The following UNC13C variants were observed in gnomAD, a reference collection of about 807,000 sequenced individuals.
The protein encoded by UNC13C is protein unc-13 homolog C.
In UNC13C, 174 loss-of-function variants were observed where a neutral mutation model predicts 245.4. The ratio of observed to expected loss-of-function variants is 0.71; its 90% CI spans 0.63 to 0.80. The LOEUF (loss-of-function observed/expected upper bound fraction) is 0.80, where lower values mean the gene tolerates loss of function less well. Among genes scored for constraint, UNC13C ranks in the 30% least tolerant of loss-of-function variants. The pLI, the probability that UNC13C is intolerant of heterozygous loss-of-function variation, is 0.00. For synonymous variants in UNC13C, 992 were observed against 895.1 expected, an observed-to-expected ratio of 1.11 and a Z score of -1.93; for missense variants, 2,829 against 2,602.9, an observed-to-expected ratio of 1.09 and a Z score of -1.89.
At chr15:54,401,417 T>C (rs2040181126) in intron 18 of UNC13C, among the ~76,000 whole-genome samples, 1 of 152,120 alleles carries the variant, frequency 6.6e-6, no homozygotes, top group Non-Finnish European at 1.5e-5. Context: ...TACACACCCT[T>C]GTTGACGCAG....
At chr15:54,337,347 C>T (rs750630484) in intron 16 of UNC13C, among the ~76,000 whole-genome samples, 1 of 152,170 alleles carries the variant, frequency 6.6e-6, no homozygotes, top group Non-Finnish European at 1.5e-5. Flanking sequence ...CAGAACTTTT[C>T]CACAACTGTA....
intron 19 of UNC13C, among the ~76,000 whole-genome samples, chr15:54,444,726 G>A (rs888636790): frequency 6.6e-6 from 1 of 151,632 alleles, no homozygotes; most frequent in Non-Finnish European, 1.5e-5. Context: ...ATCCTTTTGT[G>A]CATTTTTATG....
chr15:53,850,730 A>C, the UNC13C span, among the ~76,000 whole-genome samples: 2 of 152,082 alleles, frequency 1.3e-5, no homozygotes, highest in African/African-American at 2.4e-5. Context: ...TTTCCATCAA[A>C]TTTGGATAAA....
At chr15:53,981,372 A>G (rs1418554437) in intron 1 of UNC13C, among the ~76,000 whole-genome samples, 1 of 152,164 alleles carries the variant, frequency 6.6e-6, no homozygotes, top group East Asian at 1.9e-4. Context: ...TTGCATCTAG[A>G]AATTTTAAGA....
chr15:54,426,582 A>G (rs1418329040), intron 19 of UNC13C, among the ~76,000 whole-genome samples: 1 of 151,672 alleles, frequency 6.6e-6, no homozygotes. Flanking sequence ...CATTAGAAGC[A>G]AGTCATTAGG....
rs1209299493 is a variant in UNC13C at position 54,250,225 on chromosome 15, A to G, written c.3229A>G (p.Lys1077Glu). 1.9e-6 allele frequency: 3 copies of G among 1,613,786 alleles called. No homozygotes were observed. The highest frequency in any genetic ancestry group is 2.5e-6 in the Non-Finnish European group (3 of 1,179,812). The part of the protein sequence containing the change: ...IRTSLNNEEL[K>E]MHVFKKTLQA... ...TTGGTAACTTCTCTCATGTTCACAGAAAATGCACGTCTTCAAGAAGACCTT... is the reference window on the plus strand; with the variant it reads ...TTGGTAACTTCTCTCATGTTCACAGGAAATGCACGTCTTCAAGAAGACCTT... The change falls in exon 8 of 33, where the codon AAA (lysine) becomes GAA (glutamate). Residue 1077 changes from lysine (K) to glutamate (E), a missense_variant and splice_region_variant. Coordinates refer to ENST00000260323, the MANE Select transcript of UNC13C (RefSeq NM_001080534.3).
intron 19 of UNC13C, among the ~76,000 whole-genome samples, chr15:54,453,590 T>A (rs993601474): frequency 3.9e-5 from 6 of 152,228 alleles, no homozygotes; most frequent in African/African-American, 1.2e-4. Flanking sequence ...GTATTTTGCC[T>A]TTTCCTCATT....
intron 7 of UNC13C, among the ~76,000 whole-genome samples, chr15:54,243,657 A>T (rs1057360561): frequency 3.3e-5 from 5 of 152,098 alleles, no homozygotes; most frequent in Admixed American, 3.3e-4. Context: ...TGACTTTTTG[A>T]TAATCACCAT....
chr15:54,438,741 A>C (rs1032437205), intron 19 of UNC13C, among the ~76,000 whole-genome samples: 2 of 152,054 alleles, frequency 1.3e-5, no homozygotes, highest in South Asian at 2.1e-4. Flanking sequence ...CCACCAGCAC[A>C]TCAAGAATTT....
chr15:54,102,002 A>T (rs77199645), intron 2 of UNC13C, among the ~76,000 whole-genome samples: 1,551 of 150,674 alleles, frequency 0.01, 25 homozygotes, highest in African/African-American at 0.037. Context: ...TGCTCTTTGC[A>T]TTACAGCATT....
chr15:53,912,825 T>C, the UNC13C span: 1 of 152,250 alleles, frequency 6.6e-6, no homozygotes, highest in South Asian at 2.1e-4. Flanking sequence ...ATAACCCCTA[T>C]GATTCTCTAG....
chr15:54,390,314 C>T (rs896295532), intron 17 of UNC13C, among the ~76,000 whole-genome samples: 1 of 152,024 alleles, frequency 6.6e-6, no homozygotes, highest in Admixed American at 6.6e-5. Flanking sequence ...AATATACATC[C>T]CATCAGCTTG....
intron 12 of UNC13C, among the ~76,000 whole-genome samples, chr15:54,299,238 GA>G (rs2037513141): frequency 1.3e-5 from 2 of 152,118 alleles, no homozygotes; most frequent in Non-Finnish European, 2.9e-5. Flanking sequence ...TGAAATCTAA[GA>G]AAAAGTCCTT....
At chr15:54,581,149 T>G (rs1898182417) in intron 30 of UNC13C, among the ~76,000 whole-genome samples, 1 of 152,012 alleles carries the variant, frequency 6.6e-6, no homozygotes, top group Non-Finnish European at 1.5e-5. Flanking sequence ...GAGATGACTG[T>G]GATGGGAGAG....
At chr15:54,139,201 GC>G (rs1386916827) in intron 2 of UNC13C, among the ~76,000 whole-genome samples, 1 of 151,464 alleles carries the variant, frequency 6.6e-6, no homozygotes, top group African/African-American at 2.4e-5. Flanking sequence ...CTCATGATCT[GC>G]CCGCCTCAGC....
At chr15:54,419,149 A>G (rs773582306) in intron 19 of UNC13C, among the ~76,000 whole-genome samples, 1 of 152,192 alleles carries the variant, frequency 6.6e-6, no homozygotes, top group Non-Finnish European at 1.5e-5. Flanking sequence ...TTGACCATCT[A>G]CTAAATCACT....
At chr15:54,008,256 C>T (rs1356437771) in intron 1 of UNC13C, among the ~76,000 whole-genome samples, 1 of 152,146 alleles carries the variant, frequency 6.6e-6, no homozygotes. Context: ...ATCTGGGGTT[C>T]GGAGTCAAGG....
At chr15:53,848,425 C>T in the UNC13C span, among the ~76,000 whole-genome samples, 3 of 151,980 alleles carry the variant, frequency 2.0e-5, no homozygotes, top group Non-Finnish European at 4.4e-5. Context: ...GTATTTTGGA[C>T]CTTTTCATAG....
At chr15:54,596,331 T>C (rs1899081609) in intron 30 of UNC13C, among the ~76,000 whole-genome samples, 1 of 152,240 alleles carries the variant, frequency 6.6e-6, no homozygotes, top group Non-Finnish European at 1.5e-5. Context: ...TTTAGATAAC[T>C]AATTTCCCGC....
Sources: allele counts gnomAD v4.1 joint callset (sites outside exome capture counted in the v4.1 genomes callset), GRCh38; gene constraint gnomAD v4.1.1; transcripts MANE v1.5; gene names NCBI Gene and HGNC (gene_info 2026-07-23, HGNC 2026-07-21).